Variants in ADAMTS9 observed in about 807,000 individuals in gnomAD.
The protein encoded by ADAMTS9 is ADAM metallopeptidase with thrombospondin type 1 motif 9.
In ADAMTS9, 107 loss-of-function variants were observed where a neutral mutation model predicts 257.1. The observed-to-expected ratio is 0.42, with a 90% CI of 0.36 to 0.49. The LOEUF (loss-of-function observed/expected upper bound fraction) is 0.49. ADAMTS9 is among the 20% of genes least tolerant of loss of function. The probability of loss-of-function intolerance (pLI) is 0.03; values close to 1 mark genes in which losing one functional copy is unlikely to be tolerated. For missense variants in ADAMTS9, 2,353 were observed against 2,469.1 expected, an observed-to-expected ratio of 0.95 and a Z score of 1.00; for synonymous variants, 982 against 880.9, an observed-to-expected ratio of 1.11 and a Z score of -2.03.
intron 12 of ADAMTS9, among the ~76,000 whole-genome samples, chr3:64,636,641 G>C (rs1435822720): frequency 3.3e-5 from 5 of 152,134 alleles, no homozygotes; most frequent in African/African-American, 1.2e-4. Flanking sequence ...TGTGAGCTAA[G>C]AATAAGTTTT....
At chr3:64,651,524 T>C (rs1700931089) in intron 8 of ADAMTS9, among the ~76,000 whole-genome samples, 1 of 152,150 alleles carries the variant, frequency 6.6e-6, no homozygotes, top group Non-Finnish European at 1.5e-5. Flanking sequence ...GGGCAATTTA[T>C]AGAGTCAAGA....
chr3:64,583,972 C>T (rs979064303), intron 28 of ADAMTS9: 1 of 152,130 alleles, frequency 6.6e-6, no homozygotes, highest in African/African-American at 2.4e-5. Flanking sequence ...ACAGAACTTC[C>T]TCCCTGACAT....
At chr3:64,546,619 G>A (rs2083202969) in intron 32 of ADAMTS9, 139 bp downstream of exon 32, 5 of 872,920 alleles carry the variant, frequency 5.7e-6, no homozygotes, top group Non-Finnish European at 8.5e-6. Context: ...TTTGATCCCT[G>A]TTAGCCCATT....
At chr3:64,681,488 T>A in intron 2 of ADAMTS9, 125 bp from the exon 3 acceptor site, 1 of 991,470 alleles carries the variant, frequency 1.0e-6, no homozygotes, top group South Asian at 1.9e-5. Context: ...AGGAGGGTTG[T>A]TTCAACTGAA....
intron 28 of ADAMTS9, chr3:64,569,212 T>C (rs1407355472): frequency 1.3e-5 from 2 of 152,228 alleles, no homozygotes; most frequent in African/African-American, 2.4e-5. Context: ...CTCAGAAAGG[T>C]TTAGGAATCA....
chr3:64,601,627 A>G (rs2084463338), intron 26 of ADAMTS9, among the ~76,000 whole-genome samples: 1 of 152,090 alleles, frequency 6.6e-6, no homozygotes, highest in Admixed American at 6.5e-5. Flanking sequence ...ATTCCCCTAC[A>G]GGTATGAGCT....
chr3:64,621,916 A>G (rs1397959632), intron 18 of ADAMTS9, among the ~76,000 whole-genome samples: 4 of 152,158 alleles, frequency 2.6e-5, no homozygotes, highest in Non-Finnish European at 5.9e-5. Context: ...TATGACTACT[A>G]AAACCATGCT....
chr3:64,605,498 T>C (rs2084541461), intron 23 of ADAMTS9, among the ~76,000 whole-genome samples: 1 of 152,216 alleles, frequency 6.6e-6, no homozygotes, highest in Non-Finnish European at 1.5e-5. Flanking sequence ...ACAACACACT[T>C]TGAAAGGCAG....
chr3:64,647,879 A>G, intron 11 of ADAMTS9, 61 bp downstream of exon 11: 1 of 1,470,528 alleles, frequency 6.8e-7, no homozygotes, highest in Non-Finnish European at 9.3e-7. Context: ...GTCTGATCAT[A>G]CACCCAAAAT....
Position 64,625,660 on chromosome 3 carries a change from C to G in ADAMTS9, c.2390-3074G>C, listed in dbSNP as rs534721331. 1.4e-4 allele frequency among the ~76,000 whole-genome samples: 21 copies of G among 152,264 alleles called. No individual in the cohort carries two copies. In the South Asian group the frequency reaches 2.7e-3, roughly 20 times the overall value. On this transcript the variant is annotated intron_variant, in intron 16 of 39. Transcript: ENST00000498707. The stretch of plus-strand genomic sequence containing the variant: ...TCTCACCCACATAAACAACATCTGG[C>G]CCCAAGAGAAGAATAAGGTGCCTTC...
chr3:64,518,419 C>T (rs2082807616), intron 39 of ADAMTS9, among the ~76,000 whole-genome samples: 1 of 152,164 alleles, frequency 6.6e-6, no homozygotes, highest in Non-Finnish European at 1.5e-5. Context: ...TGGTTGAGCT[C>T]ATTCCTTGCA....
rs770303123 is a variant in ADAMTS9, at chr3:64,658,692, C to T, written c.779G>A (p.Gly260Asp). 1 of 1,614,092 alleles carries T rather than the reference C, an allele frequency of 6.2e-7. No individual in the cohort carries two copies. Among genetic ancestry groups the T allele is most frequent in the Non-Finnish European group, 8.5e-7 (1 of 1,180,016 alleles). Residue 260 changes from glycine to aspartate, a missense_variant, in exon 4 of 40, where the codon GGC becomes GAC. This residue lies in a region of ADAMTS9 where 591 missense variants were observed against 569.6 expected (regional missense o/e 1.04). Coordinates refer to ENST00000498707, the MANE Select transcript of ADAMTS9 (RefSeq NM_182920.2). ...LAGDVAALNSGLATEAFSAYG... is the reference protein window; with the variant it reads ...LAGDVAALNSDLATEAFSAYG... ...AGCAGAAAATGCCTCTGTTGCTAAG[C>T]CGCTGTTTAATGCTGCTACGTCACC... is the stretch of plus-strand genomic sequence containing the variant.
intron 23 of ADAMTS9, 92 bp downstream of exon 23, chr3:64,606,868 C>T: frequency 1.3e-6 from 2 of 1,519,810 alleles, no homozygotes; most frequent in South Asian, 2.5e-5. Flanking sequence ...ACATACTTAT[C>T]TATGAAAGGA....
intron 32 of ADAMTS9, among the ~76,000 whole-genome samples, chr3:64,544,306 C>T (rs941835880): frequency 1.2e-4 from 18 of 152,080 alleles, no homozygotes; most frequent in Admixed American, 2.0e-4. Flanking sequence ...TGCATTGCCA[C>T]GACAATCCTA....
At chr3:64,543,020 A>C (rs1162005920) in intron 32 of ADAMTS9, among the ~76,000 whole-genome samples, 4 of 152,242 alleles carry the variant, frequency 2.6e-5, no homozygotes, top group Admixed American at 6.5e-5. Flanking sequence ...ATCTAGAAGG[A>C]ATGGATAAAT....
chr3:64,542,737 C>G (rs1423855369), intron 32 of ADAMTS9, among the ~76,000 whole-genome samples: 2 of 152,078 alleles, frequency 1.3e-5, no homozygotes, highest in Non-Finnish European at 2.9e-5. Context: ...CATTCAAAAG[C>G]TAGCAGAAGG....
intron 32 of ADAMTS9, among the ~76,000 whole-genome samples, chr3:64,546,466 G>C (rs932009814): frequency 4.6e-5 from 7 of 152,158 alleles, no homozygotes; most frequent in African/African-American, 1.7e-4. Flanking sequence ...TTGCAGATGA[G>C]AAAACTGAGA....
chr3:64,623,723 A>G (rs1307612337), intron 16 of ADAMTS9, among the ~76,000 whole-genome samples: 1 of 152,120 alleles, frequency 6.6e-6, no homozygotes, highest in Non-Finnish European at 1.5e-5. Flanking sequence ...ATCTTTCTCC[A>G]TGGCACTTTG....
chr3:64,569,990 T>A (rs1264699910), intron 28 of ADAMTS9, among the ~76,000 whole-genome samples: 2 of 152,214 alleles, frequency 1.3e-5, no homozygotes, highest in South Asian at 4.1e-4. Flanking sequence ...TAGAATGAAG[T>A]TCCTAGAAGT....
Sources: allele counts gnomAD v4.1 joint callset (sites outside exome capture counted in the v4.1 genomes callset), GRCh38; gene constraint gnomAD v4.1.1; regional missense constraint gnomAD v4.1.1; transcripts MANE v1.5; gene names NCBI Gene and HGNC (gene_info 2026-07-23, HGNC 2026-07-21).